The following F9 variants were observed in gnomAD, a reference collection of about 807,000 sequenced individuals.
F9 encodes the protein Christmas factor.
A neutral mutation model predicts 34.1 loss-of-function variants in F9; 2 were observed. That is an observed-to-expected ratio of 0.06 (90% confidence interval 0.02 to 0.18). The LOEUF (loss-of-function observed/expected upper bound fraction) is 0.18. F9 is among the 10% of genes least tolerant of loss of function. The pLI is 1.00. For missense variants in F9, 216 were observed against 345.1 expected (o/e 0.63, Z 2.96); for synonymous variants, 137 against 118.8 (o/e 1.15, Z -1.00).
At chrX:139,533,939 G>T (rs958133851) in intron 1 of F9, among the ~76,000 whole-genome samples, 6 of 111,870 alleles carry the variant, frequency 5.4e-5, no homozygotes. Context: ...TTCAAGTGCT[G>T]GATGGATAAC....
rs1407401799 is a variant in F9 at position 139,540,393 on chromosome X, C to A, written c.278-683C>A. On this transcript the variant is annotated intron_variant, in intron 3 of 7. Coordinates refer to ENST00000218099, the MANE Select transcript of F9 (RefSeq NM_000133.4). ...ACATAAATAAAGCACACTGTAGAAT[C>A]TTTTTAAATTCTGTATGATATATCG... Among the ~76,000 whole-genome samples the A allele has an allele frequency of 2.7e-5, 3 of 112,218 alleles. No homozygotes were observed. In the East Asian group the frequency reaches 8.4e-4, roughly 31 times the overall value.
intron 1 of F9, among the ~76,000 whole-genome samples, chrX:139,536,281 A>G (rs955611126): frequency 1.0e-4 from 11 of 107,214 alleles, no homozygotes; most frequent in African/African-American, 3.4e-4. Flanking sequence ...ATATGTACAC[A>G]CACACACATA....
intron 6 of F9, among the ~76,000 whole-genome samples, chrX:139,559,724 C>T (rs1191687197): frequency 2.7e-5 from 3 of 111,828 alleles, no homozygotes; most frequent in Non-Finnish European, 5.6e-5. Flanking sequence ...TGATGGACTA[C>T]CTCGTTTCCC....
chrX:139,549,399 C>G (rs1178278666), intron 5 of F9, among the ~76,000 whole-genome samples: 2 of 111,152 alleles, frequency 1.8e-5, no homozygotes, highest in Non-Finnish European at 3.8e-5. Context: ...GACCCTAATC[C>G]TGCGGCACTA....
Position 139,557,074 on chromosome X carries a change from G to A in F9, c.724-3667G>A, listed in dbSNP as rs568949709. ...AGATGTGAATGTATATTTTGTAGAA[G>A]CATGTGTGTTGTTGGTTTTTGTGTA... On this transcript the variant is annotated intron_variant, in intron 6 of 7. Transcript: ENST00000218099. 6.5e-4 allele frequency among the ~76,000 whole-genome samples: 73 copies of A among 112,247 alleles called. No homozygotes were observed. In the South Asian group the frequency reaches 0.026, roughly 40 times the overall value.
intron 7 of F9, 35 bp downstream of exon 7, chrX:139,560,890 C>A: frequency 1.0e-6 from 1 of 965,974 alleles, no homozygotes; most frequent in Non-Finnish European, 1.5e-6. Context: ...TCTGCAGCAC[C>A]ACTAGCTCTT....
At chrX:139,551,845 C>A (rs1382524548) in intron 6 of F9, among the ~76,000 whole-genome samples, 1 of 111,263 alleles carries the variant, frequency 9.0e-6, no homozygotes, top group Non-Finnish European at 1.9e-5. Flanking sequence ...GGGTGGGGCC[C>A]AGCAGTCTGT....
chrX:139,541,634 G>T (rs778877629), intron 4 of F9, among the ~76,000 whole-genome samples: 105 of 111,765 alleles, frequency 9.4e-4, no homozygotes, highest in African/African-American at 3.3e-3. Context: ...TGACTAAATT[G>T]CTATCAACAT....
chrX:139,547,660 C>T (rs1020257311), intron 4 of F9: 33 of 111,128 alleles, frequency 3.0e-4, no homozygotes, highest in African/African-American at 1.0e-3. Flanking sequence ...TACATAAGAG[C>T]CAAAAACTGG....
At chrX:139,557,800 T>C (rs1161108041) in intron 6 of F9, among the ~76,000 whole-genome samples, 1 of 113,030 alleles carries the variant, frequency 8.8e-6, no homozygotes, top group Non-Finnish European at 1.9e-5. Flanking sequence ...TACGCAGGGC[T>C]TTGCACTGAG....
At chrX:139,556,160 C>A (rs753202372) in intron 6 of F9, among the ~76,000 whole-genome samples, 27 of 111,113 alleles carry the variant, frequency 2.4e-4, no homozygotes, top group Non-Finnish European at 2.3e-4. Context: ...ATTTGAAGAT[C>A]ATTCTATTAG....
intron 6 of F9, among the ~76,000 whole-genome samples, chrX:139,555,531 G>T (rs1927949333): frequency 8.9e-6 from 1 of 112,718 alleles, no homozygotes; most frequent in Admixed American, 9.3e-5. Flanking sequence ...GCACTGGCGG[G>T]CCGGGCCAGC....
At position 139,541,130 on chromosome X, in the gene F9, A is replaced by G; in HGVS notation, c.332A>G (p.Asp111Gly). ...PCLNGGSCKDDINSYECWCPF... is the reference protein window; with the variant it reads ...PCLNGGSCKDGINSYECWCPF... ...TTAAATGGCGGCAGTTGCAAGGATG[A>G]CATTAATTCCTATGAATGTTGGTGT... Residue 111 changes from aspartate to glycine, a missense_variant, in exon 4 of 8, where the codon GAC becomes GGC. Coordinates refer to ENST00000218099, the MANE Select transcript of F9 (RefSeq NM_000133.4). 1 of 1,202,099 alleles carries G rather than the reference A, an allele frequency of 8.3e-7. No individual in the cohort carries two copies. Among genetic ancestry groups the G allele is most frequent in the South Asian group, 1.8e-5 (1 of 56,797 alleles).
intron 6 of F9, among the ~76,000 whole-genome samples, chrX:139,555,485 C>T (rs934288738): frequency 1.8e-5 from 2 of 113,016 alleles, no homozygotes; most frequent in Admixed American, 9.3e-5. Context: ...ACGGCGCTGC[C>T]GGCCCCATCC....
In F9 at chrX:139,561,545, C is replaced by T; in HGVS notation, c.860C>T (p.Thr287Ile). The change falls in exon 8 of 8, where the codon ACA (threonine) becomes ATA (isoleucine). Residue 287 changes from threonine (T) to isoleucine (I), a missense_variant. By Grantham distance (89) the Thr-to-Ile change is moderately conservative (BLOSUM62 -1). This residue lies in a region of F9 where 177 missense variants were observed against 311.8 expected (regional missense o/e 0.57). Transcript: ENST00000218099. ...ATAGGTGAACATAATATTGAGGAGACAGAACATACAGAGCAAAAGCGAAAT... is the reference window on the plus strand; with the variant it reads ...ATAGGTGAACATAATATTGAGGAGATAGAACATACAGAGCAAAAGCGAAAT... ...VVAGEHNIEE[T>I]EHTEQKRNVI... 2 of 1,205,129 alleles carry T rather than the reference C, an allele frequency of 1.7e-6. No homozygotes were observed. Among genetic ancestry groups the T allele is most frequent in the Non-Finnish European group, 1.1e-6 (1 of 891,575 alleles).
rs976283264 is a variant in F9, at chrX:139,537,405, C to T, written c.277+19C>T. ...TATGTTGGTAAGCAATTCATTTTAT[C>T]CTCTAGCTAATATATGAAACATATG... On this transcript the variant is annotated intron_variant, in intron 3 of 7. Transcript: ENST00000218099. 6.1e-6 allele frequency: 7 copies of T among 1,143,161 alleles called. No individual in the cohort carries two copies. The African/African-American group carries it at 1.3e-4, about 21-fold the overall frequency. 94.2% of individuals were successfully genotyped at this position (1,143,161 alleles called of 1,213,427 possible). A position where few individuals can be genotyped will look rare whatever the true frequency, so the allele number is the denominator to read the frequency against.
chrX:139,545,014 A>G (rs1248266595), intron 4 of F9: 1 of 111,974 alleles, frequency 8.9e-6, no homozygotes, highest in Non-Finnish European at 1.9e-5. Flanking sequence ...CAAAAGACAC[A>G]TAGTGCAGCT....
At chrX:139,548,136 C>T (rs967878461) in intron 4 of F9, among the ~76,000 whole-genome samples, 1 of 111,516 alleles carries the variant, frequency 9.0e-6, no homozygotes, top group African/African-American at 3.3e-5. Flanking sequence ...TAGTTTTAAA[C>T]CAATCAATTA....
At chrX:139,534,711 A>G (rs1464865108) in intron 1 of F9, among the ~76,000 whole-genome samples, 1 of 112,222 alleles carries the variant, frequency 8.9e-6, no homozygotes, top group Non-Finnish European at 1.9e-5. Flanking sequence ...CCATTTTTAT[A>G]TCGGAGACTT....
Sources: gnomAD v4.1 joint callset for allele counts (sites outside exome capture counted in the v4.1 genomes callset) on GRCh38, gnomAD v4.1.1 for gene constraint, gnomAD v4.1.1 regional missense constraint, MANE v1.5 for transcripts, NCBI Gene and HGNC (gene_info 2026-07-23, HGNC 2026-07-21) for gene names.